The following BSN variants were observed in gnomAD, a reference collection of about 807,000 sequenced individuals.
The protein encoded by BSN is bassoon presynaptic cytomatrix protein.
A neutral mutation model predicts 264.8 loss-of-function variants in BSN; 57 were observed. That is an observed-to-expected ratio of 0.22 (90% CI 0.17 to 0.27). The LOEUF (loss-of-function observed/expected upper bound fraction) is 0.27, where lower values mean the gene tolerates loss of function less well. BSN is among the 10% of genes least tolerant of loss of function. The pLI, the probability that BSN is intolerant of heterozygous loss-of-function variation, is 1.00. For missense variants in BSN, 4,615 were observed against 5,232.5 expected (o/e 0.88, Z 3.64); for synonymous variants, 2,059 against 2,137.3 (o/e 0.96, Z 1.01).
intron 1 of BSN, among the ~76,000 whole-genome samples, chr3:49,605,886 A>G (rs2052131560): frequency 1.3e-5 from 1 of 75,098 alleles, no homozygotes; most frequent in Non-Finnish European, 2.3e-5. Context: ...ATATAGATAT[A>G]AATATATTTA....
Position 49,664,841 on chromosome 3 carries a change from C to A in BSN, c.*2C>A. ...AAAAAATTTTCCTCATTCTGGTGACCATGCCCAGCATGGTGAGTACAAGCA... is the reference window on the plus strand; with the variant it reads ...AAAAAATTTTCCTCATTCTGGTGACAATGCCCAGCATGGTGAGTACAAGCA... On this transcript the variant is annotated 3_prime_UTR_variant, in exon 10 of 12. Coordinates refer to ENST00000296452, the MANE Select transcript of BSN (RefSeq NM_003458.4). 1.9e-6 allele frequency: 3 copies of A among 1,612,318 alleles called. No homozygotes were observed. Among genetic ancestry groups the A allele is most frequent in the Non-Finnish European group, 2.5e-6 (3 of 1,179,516 alleles).
chr3:49,632,315 A>G (rs908897446), intron 2 of BSN, among the ~76,000 whole-genome samples: 2 of 152,212 alleles, frequency 1.3e-5, no homozygotes, highest in Non-Finnish European at 2.9e-5. Flanking sequence ...CAAAAGAAAA[A>G]ATAGACAAAA....
chr3:49,576,795 C>A (rs1340960422), intron 1 of BSN, among the ~76,000 whole-genome samples: 2 of 152,206 alleles, frequency 1.3e-5, no homozygotes, highest in Non-Finnish European at 2.9e-5. Flanking sequence ...GAGCAGAAGA[C>A]TGCTTTCAGA....
chr3:49,578,889 T>C (rs1370303313), intron 1 of BSN, among the ~76,000 whole-genome samples: 1 of 152,100 alleles, frequency 6.6e-6, no homozygotes, highest in Admixed American at 6.6e-5. Flanking sequence ...GCAATGTGTG[T>C]TTTGGGGGTT....
In BSN at chr3:49,653,857, A is replaced by G. The variant is rs140735933; in HGVS notation, c.4301A>G (p.Asp1434Gly). ...TTANYGSQTE[D>G]LPQAPSGLAA... ...GCAAACTATGGGTCCCAAACTGAGG[A>G]TCTACCCCAGGCCCCCAGTGGCCTT... Residue 1434 changes from aspartate to glycine, a missense_variant, in exon 5 of 12, where the codon GAT becomes GGT. Asp to Gly is a moderately conservative substitution (Grantham distance 94). Coordinates refer to ENST00000296452, the MANE Select transcript of BSN (RefSeq NM_003458.4). This position sits in a 1 kb window ranked among gnomAD's most constrained non-coding sequence, Gnocchi z 6.3. 337 of 1,614,052 alleles carry G rather than the reference A, an allele frequency of 2.1e-4. 2 individuals carry two copies. In the African/African-American group the frequency reaches 4.3e-3, roughly 20 times the overall value.
chr3:49,610,557 C>T (rs558244402), intron 1 of BSN, among the ~76,000 whole-genome samples: 2 of 108,488 alleles, frequency 1.8e-5, no homozygotes, highest in Non-Finnish European at 3.4e-5. Flanking sequence ...GCACTCCAGC[C>T]TGGGCAACAA....
intron 1 of BSN, among the ~76,000 whole-genome samples, chr3:49,601,475 T>G (rs1160747921): frequency 6.6e-6 from 1 of 152,184 alleles, no homozygotes; most frequent in Non-Finnish European, 1.5e-5. Context: ...AATAAGAGCA[T>G]GGCTTCTTTG....
At chr3:49,643,672 G>A (rs899540708) in intron 3 of BSN, among the ~76,000 whole-genome samples, 4 of 152,230 alleles carry the variant, frequency 2.6e-5, no homozygotes, top group African/African-American at 9.6e-5. Context: ...AACCTTGATT[G>A]TCTCTTCTGA....
At chr3:49,643,197 C>G in intron 3 of BSN, 45 bp downstream of exon 3, 6 of 1,561,258 alleles carry the variant, frequency 3.8e-6, no homozygotes, top group Non-Finnish European at 5.2e-6. Flanking sequence ...TGATGAGAGG[C>G]CGGGCCTGGG....
chr3:49,656,829 C>T lies in BSN; in HGVS notation c.7273C>T (p.His2425Tyr). Reference sequence around the variant, plus strand: ...GCAGGAGCTGCAGACCATCAAGCACCATGTGCTGCAGCAGCAGCAAGAGGA... The same window carrying T: ...GCAGGAGCTGCAGACCATCAAGCACTATGTGCTGCAGCAGCAGCAAGAGGA... The part of the protein sequence containing the change: ...ELQELQTIKH[H>Y]VLQQQQEERQ... Residue 2425 changes from histidine to tyrosine, a missense_variant, in exon 5 of 12, where the codon CAT becomes TAT. Transcript: ENST00000296452. 6.3e-7 allele frequency: 1 copy of T among 1,599,816 alleles called. No homozygotes were observed. The highest frequency in any genetic ancestry group is 8.5e-7 in the Non-Finnish European group (1 of 1,173,914).
chr3:49,592,897 T>C (rs2051991786), intron 1 of BSN, among the ~76,000 whole-genome samples: 1 of 152,212 alleles, frequency 6.6e-6, no homozygotes, highest in Admixed American at 6.5e-5. Context: ...TTTTCTAGTT[T>C]TACTTGTACT....
Position 49,613,299 on chromosome 3 carries a change from A to AGAGC in BSN, c.225-11672_225-11669dup, listed in dbSNP as rs1559605393. ...TTTATATATATATATATACACACACAGAGCGAGAGAGAGAGAGAGAGAGAG... is the reference window on the plus strand; with the variant it reads ...TTTATATATATATATATACACACACAGAGCGAGCGAGAGAGAGAGAGAGAGAGAG... On this transcript the variant is annotated intron_variant, in intron 1 of 11. Coordinates refer to ENST00000296452, the MANE Select transcript of BSN (RefSeq NM_003458.4). 8.6e-4 allele frequency among the ~76,000 whole-genome samples: 92 copies of AGAGC among 107,042 alleles called. 1 individual carries two copies. The highest frequency in any genetic ancestry group is 3.2e-3 in the African/African-American group (90 of 28,008). 70.2% of individuals were successfully genotyped at this position (107,042 alleles called of 152,430 possible). A position where few individuals can be genotyped will look rare whatever the true frequency, so the allele number is the denominator to read the frequency against.
rs753510013 is a variant in BSN at position 49,654,421 on chromosome 3, G to T, written c.4865G>T (p.Gly1622Val). The change falls in exon 5 of 12, where the codon GGT becomes GTT. Residue 1622 changes from glycine (G) to valine (V), a missense_variant. This residue lies in a region of BSN where 3,415 missense variants were observed against 3,866.4 expected (regional missense o/e 0.88). Coordinates refer to ENST00000296452, the MANE Select transcript of BSN (RefSeq NM_003458.4). The surrounding 1 kb of genome is among the most constrained non-coding windows in gnomAD (Gnocchi z 4.1). ...PPGFPRVPSA[G>V]ADGPLALYGW... ...GGCTTTCCACGGGTGCCCAGTGCTGGTGCAGATGGGCCCCTGGCACTATAT... is the reference window on the plus strand; with the variant it reads ...GGCTTTCCACGGGTGCCCAGTGCTGTTGCAGATGGGCCCCTGGCACTATAT... The T allele has an allele frequency of 2.5e-6, 4 of 1,599,752 alleles. No individual in the cohort carries two copies. In the Admixed American group the frequency reaches 6.8e-5, roughly 27 times the overall value.
chr3:49,609,268 ATT>A (rs879332745), intron 1 of BSN, among the ~76,000 whole-genome samples: 17 of 140,710 alleles, frequency 1.2e-4, no homozygotes, highest in Non-Finnish European at 1.1e-4. Context: ...TGCTTGGCTA[ATT>A]TTTTTTTTTT....
At position 49,650,781 on chromosome 3, in the gene BSN, A is replaced by G; in HGVS notation, c.1688A>G (p.Gln563Arg). ...LKQKGPQGLG[Q>R]PSGPLPAKAS... ...CAGAAAGGGCCACAGGGGCTGGGCC[A>G]GCCTTCAGGCCCCCTGCCTGCCAAG... is the stretch of plus-strand genomic sequence containing the variant. The change falls in exon 4 of 12, where the codon CAG (glutamine) becomes CGG (arginine). Residue 563 changes from glutamine to arginine, a missense_variant. This residue lies in a region of BSN where 1,197 missense variants were observed against 1,348.0 expected (regional missense o/e 0.89). Transcript: ENST00000296452. 2 of 1,613,852 alleles carry G rather than the reference A, an allele frequency of 1.2e-6. No individual in the cohort carries two copies. Among genetic ancestry groups the G allele is most frequent in the Non-Finnish European group, 1.7e-6 (2 of 1,179,952 alleles).
At chr3:49,599,867 G>T (rs762782343) in intron 1 of BSN, among the ~76,000 whole-genome samples, 2 of 152,146 alleles carry the variant, frequency 1.3e-5, no homozygotes, top group Admixed American at 1.3e-4. Context: ...ATTTTCCTGG[G>T]TGGGTAACAT....
Position 49,554,582 on chromosome 3 carries a change from C to T in BSN, c.-21C>T. 1.1e-6 allele frequency: 1 copy of T among 951,600 alleles called. No homozygotes were observed. The highest frequency in any genetic ancestry group is 4.5e-5 in the South Asian group (1 of 22,374). 58.9% of individuals were successfully genotyped at this position (951,600 alleles called of 1,614,324 possible). ...GCCCGGGCGCAGCGCGACCCCGACC[C>T]CGCCCGCCCGCCTGCCCGCCATGGG... On this transcript the variant is annotated 5_prime_UTR_variant, in exon 1 of 12. Transcript: ENST00000296452.
Position 49,642,788 on chromosome 3 carries a change from A to C in BSN, c.1154A>C (p.Lys385Thr), listed in dbSNP as rs747471969. Residue 385 changes from lysine (K) to threonine (T), a missense_variant, in exon 3 of 12, where the codon AAG becomes ACG. Coordinates refer to ENST00000296452, the MANE Select transcript of BSN (RefSeq NM_003458.4). This position sits in a 1 kb window ranked among gnomAD's most constrained non-coding sequence, Gnocchi z 7.0. ...GQPAPSKGTP[K>T]IVFNDASKEA... ...CCTGCCCCCAGCAAGGGGACACCTA[A>C]GATCGTCTTCAATGATGCCAGCAAG... 9.3e-6 allele frequency: 15 copies of C among 1,613,262 alleles called. No homozygotes were observed. The African/African-American group carries it at 2.0e-4, about 22-fold the overall frequency.
intron 1 of BSN, among the ~76,000 whole-genome samples, chr3:49,586,982 G>T (rs545799984): frequency 6.6e-6 from 1 of 151,992 alleles, no homozygotes. Flanking sequence ...CTTTTAATTT[G>T]TAGATTGCTT....
Sources: gnomAD v4.1 joint callset for allele counts (sites outside exome capture counted in the v4.1 genomes callset) on GRCh38, gnomAD v4.1.1 for gene constraint, gnomAD v4.1.1 regional missense constraint, Gnocchi (gnomAD v3.1) non-coding constraint, MANE v1.5 for transcripts, NCBI Gene and HGNC (gene_info 2026-07-23, HGNC 2026-07-21) for gene names.